TBL1XR1: variants seen among roughly 807,000 people sequenced by gnomAD.
TBL1XR1 encodes the protein TBL1X/Y related 1.
In TBL1XR1, 5 loss-of-function variants were observed where a neutral mutation model predicts 66.9. The ratio of observed to expected loss-of-function variants is 0.07; its 90% confidence interval spans 0.04 to 0.16. The LOEUF is 0.16. Among genes scored for constraint, TBL1XR1 ranks in the 10% least tolerant of loss-of-function variants. The pLI is 1.00. For missense variants in TBL1XR1, 238 were observed against 623.2 expected (o/e 0.38, Z 6.58); for synonymous variants, 210 against 206.0 (o/e 1.02, Z -0.17).
chr3:177,035,981 A>C (rs955118656), intron 12 of TBL1XR1, among the ~76,000 whole-genome samples: 7 of 152,188 alleles, frequency 4.6e-5, no homozygotes, highest in African/African-American at 7.2e-5. Context: ...AAAAGCACTT[A>C]AGCACCCATG....
intron 5 of TBL1XR1, 121 bp downstream of exon 5, chr3:177,051,383 A>C: frequency 1.8e-5 from 16 of 881,246 alleles, no homozygotes; most frequent in Middle Eastern, 3.6e-4. Context: ...AGTCTGTACA[A>C]CAAACCCCTG....
chr3:177,154,174 G>T (rs1016680203), intron 1 of TBL1XR1, among the ~76,000 whole-genome samples: 1 of 151,992 alleles, frequency 6.6e-6, no homozygotes, highest in East Asian at 1.9e-4. Flanking sequence ...GAAAACAGAT[G>T]ATAAATAAAA....
chr3:177,127,059 T>C (rs1031779270), intron 1 of TBL1XR1, among the ~76,000 whole-genome samples: 6 of 152,198 alleles, frequency 3.9e-5, no homozygotes, highest in Admixed American at 3.9e-4. Context: ...AGTTTGATTG[T>C]TTTAAAGAGT....
At chr3:177,130,151 A>AAAC (rs1728120552) in intron 1 of TBL1XR1, among the ~76,000 whole-genome samples, 2 of 151,084 alleles carry the variant, frequency 1.3e-5, no homozygotes. Flanking sequence ...TCTCAAAAAA[A>AAAC]AAAAAAAGAA....
intron 1 of TBL1XR1, among the ~76,000 whole-genome samples, chr3:177,107,497 TG>T (rs1725022631): frequency 6.6e-6 from 1 of 152,212 alleles, no homozygotes; most frequent in South Asian, 2.1e-4. Flanking sequence ...CAAGGTTGTA[TG>T]GGGGTTTTTT....
At chr3:177,082,738 T>TTTTATATATATATATATA (rs1450061640) in intron 2 of TBL1XR1, among the ~76,000 whole-genome samples, 2,219 of 63,192 alleles carry the variant, frequency 0.035, 273 homozygotes, top group East Asian at 0.066. Flanking sequence ...AAGATAGAGA[T>TTTTATATATATATATATA]TATATATATA....
At chr3:177,134,870 A>G (rs1036312603) in intron 1 of TBL1XR1, among the ~76,000 whole-genome samples, 3 of 152,134 alleles carry the variant, frequency 2.0e-5, no homozygotes, top group Non-Finnish European at 4.4e-5. Context: ...ACTAACGGGT[A>G]TACAGTAAAA....
chr3:177,025,291 G>C lies in TBL1XR1; in HGVS notation c.*207C>G. 2.2e-6 allele frequency: 1 copy of C among 455,610 alleles called. No homozygotes were observed. Among genetic ancestry groups the C allele is most frequent in the South Asian group, 5.6e-5 (1 of 17,784 alleles). The allele number at this position is 455,610 out of a possible 1,614,324, so 28.2% of individuals were successfully genotyped here. A position where few individuals can be genotyped will look rare whatever the true frequency, so the allele number is the denominator to read the frequency against. On this transcript the variant is annotated 3_prime_UTR_variant, in exon 16 of 16. Coordinates refer to ENST00000457928, the MANE Select transcript of TBL1XR1 (RefSeq NM_024665.7). ...ACAGCAGATTAGATTCCAGCACTTG[G>C]TGAACAGAATTCACAAGCTGTGACA...
chr3:177,123,759 A>T (rs1284199454), intron 1 of TBL1XR1, among the ~76,000 whole-genome samples: 1 of 151,388 alleles, frequency 6.6e-6, no homozygotes, highest in Non-Finnish European at 1.5e-5. Flanking sequence ...AAAAAGTACA[A>T]ATACGCACTA....
upstream of TBL1XR1, among the ~76,000 whole-genome samples, chr3:177,198,365 AAAAAT>A (rs745702064): frequency 9.2e-5 from 14 of 152,354 alleles, no homozygotes; most frequent in East Asian, 1.5e-3. Flanking sequence ...CTTATTTCAC[AAAAAT>A]AAAATAATGT....
At chr3:177,036,731 G>A (rs1714843534) in intron 12 of TBL1XR1, among the ~76,000 whole-genome samples, 2 of 152,188 alleles carry the variant, frequency 1.3e-5, no homozygotes, top group African/African-American at 4.8e-5. Flanking sequence ...TAAAAACATA[G>A]CAGATACTTA....
chr3:177,037,516 G>GA (rs1480185477), intron 12 of TBL1XR1: 1 of 152,200 alleles, frequency 6.6e-6, no homozygotes, highest in African/African-American at 2.4e-5. Context: ...CGGCGGGGGG[G>GA]GCATCACTCA....
intron 9 of TBL1XR1, among the ~76,000 whole-genome samples, chr3:177,046,885 G>A (rs958127033): frequency 2.0e-5 from 3 of 152,044 alleles, no homozygotes; most frequent in African/African-American, 7.2e-5. Flanking sequence ...TTCACCAGCC[G>A]ACTTAGACAA....
In TBL1XR1 at chr3:177,166,409, T is replaced by C. The variant is rs559534801; in HGVS notation, c.-122+30712A>G. Among the ~76,000 whole-genome samples, 18 of 152,316 alleles carry C rather than the reference T, an allele frequency of 1.2e-4. No homozygotes were observed. In the South Asian group the frequency reaches 3.7e-3, roughly 32 times the overall value. On this transcript the variant is annotated intron_variant, in intron 1 of 15. Coordinates refer to ENST00000457928, the MANE Select transcript of TBL1XR1 (RefSeq NM_024665.7). ...GCATGTGAAAAGATGTTCCACATCA[T>C]ATACTGATATGGTTTGGCTTTGTGT...
chr3:177,156,660 G>A (rs1731560534), intron 1 of TBL1XR1, among the ~76,000 whole-genome samples: 1 of 151,612 alleles, frequency 6.6e-6, no homozygotes, highest in South Asian at 2.1e-4. Context: ...GAGGACATAT[G>A]ACCCAAATTT....
At chr3:177,083,371 G>A (rs774801966) in intron 2 of TBL1XR1, among the ~76,000 whole-genome samples, 2 of 152,150 alleles carry the variant, frequency 1.3e-5, no homozygotes, top group Non-Finnish European at 2.9e-5. Context: ...AAGTTAGTAT[G>A]TATGTTTTGT....
At chr3:177,190,753 G>A (rs1292093997) in intron 1 of TBL1XR1, among the ~76,000 whole-genome samples, 1 of 152,194 alleles carries the variant, frequency 6.6e-6, no homozygotes, top group Non-Finnish European at 1.5e-5. Flanking sequence ...AAAAGAAGAT[G>A]CTGCCACATT....
chr3:177,141,241 C>T (rs531139687), intron 1 of TBL1XR1, among the ~76,000 whole-genome samples: 23 of 152,084 alleles, frequency 1.5e-4, no homozygotes, highest in Non-Finnish European at 2.8e-4. Context: ...TAGTTTTCTT[C>T]GTATCATTCT....
intron 12 of TBL1XR1, among the ~76,000 whole-genome samples, chr3:177,036,640 G>T (rs1714828742): frequency 6.6e-6 from 1 of 152,142 alleles, no homozygotes; most frequent in Admixed American, 6.5e-5. Context: ...TGCACATAAG[G>T]AAAAGCCAAA....
Sources: allele counts gnomAD v4.1 joint callset (sites outside exome capture counted in the v4.1 genomes callset), GRCh38; gene constraint gnomAD v4.1.1; transcripts MANE v1.5; gene names NCBI Gene and HGNC (gene_info 2026-07-23, HGNC 2026-07-21).